The following TSN variants were observed in gnomAD, a reference collection of about 807,000 sequenced individuals.
TSN encodes the protein component 3 of promoter of RISC.
In TSN, 5 loss-of-function variants were observed where a neutral mutation model predicts 29.4. The observed-to-expected ratio is 0.17, with a 90% CI of 0.09 to 0.36. The LOEUF is 0.36. Among genes scored for constraint, TSN ranks in the 10% least tolerant of loss-of-function variants. The pLI, the probability that TSN is intolerant of heterozygous loss-of-function variation, is 1.00. For missense variants in TSN, 159 were observed against 272.8 expected, an observed-to-expected ratio of 0.58 and a Z score of 2.94; for synonymous variants, 106 against 102.2, an observed-to-expected ratio of 1.04 and a Z score of -0.23.
chr2:121,760,465 C>T (rs905714640), intron 3 of TSN, among the ~76,000 whole-genome samples: 4 of 152,196 alleles, frequency 2.6e-5, no homozygotes, highest in Non-Finnish European at 5.9e-5. Context: ...AGGTCACACA[C>T]AGGCTGCCCT....
intron 4 of TSN, among the ~76,000 whole-genome samples, chr2:121,762,704 A>G (rs1188874061): frequency 1.3e-5 from 2 of 152,168 alleles, no homozygotes; most frequent in East Asian, 3.8e-4. Flanking sequence ...GAAAGTTGCA[A>G]ATATCGTAAC....
intron 4 of TSN, among the ~76,000 whole-genome samples, chr2:121,761,892 A>G (rs2074834456): frequency 1.3e-5 from 2 of 151,772 alleles, no homozygotes; most frequent in South Asian, 4.2e-4. Context: ...ATCTCCGCTC[A>G]CTGCAACCTC....
chr2:121,765,462 C>A lies in TSN; in HGVS notation c.*95C>A. 9.2e-7 allele frequency: 1 copy of A among 1,085,818 alleles called. No homozygotes were observed. The allele number at this position is 1,085,818 out of a possible 1,614,324, so 67.3% of individuals were successfully genotyped here. A position where few individuals can be genotyped will look rare whatever the true frequency, so the allele number is the denominator to read the frequency against. On this transcript the variant is annotated 3_prime_UTR_variant, in exon 6 of 6. Coordinates refer to ENST00000389682, the MANE Select transcript of TSN (RefSeq NM_004622.3). The stretch of plus-strand genomic sequence containing the variant: ...TTACGGTAGTTAGGATGCTCAGTTG[C>A]TAAACACTGCGCTTTATTTTCTTAA...
At chr2:121,764,699 A>C (rs903178704) in intron 5 of TSN, among the ~76,000 whole-genome samples, 3 of 151,778 alleles carry the variant, frequency 2.0e-5, no homozygotes, top group African/African-American at 4.8e-5. Flanking sequence ...TCTTATCCCA[A>C]GTCTGCCTTA....
At chr2:121,763,621 C>T (rs6710934) in intron 5 of TSN, among the ~76,000 whole-genome samples, 1 of 152,076 alleles carries the variant, frequency 6.6e-6, no homozygotes, top group Non-Finnish European at 1.5e-5. Context: ...AATTTTTAAC[C>T]GATGATAAGA....
At chr2:121,764,950 G>A (rs944022748) in intron 5 of TSN, among the ~76,000 whole-genome samples, 184 bp from the exon 6 acceptor site, 1 of 152,208 alleles carries the variant, frequency 6.6e-6, no homozygotes, top group African/African-American at 2.4e-5. Flanking sequence ...TGGCAGAACT[G>A]GTCTCATTTT....
Position 121,764,815 on chromosome 2 carries a change from GTTTC to G in TSN, c.454-312_454-309del, listed in dbSNP as rs561134736. Among the ~76,000 whole-genome samples, 722 of 152,208 alleles carry G rather than the reference GTTTC, an allele frequency of 4.7e-3. 4 individuals carry two copies. Among genetic ancestry groups the G allele is most frequent in the Non-Finnish European group, 8.3e-3 (561 of 67,994 alleles). On this transcript the variant is annotated intron_variant, in intron 5 of 5. Transcript: ENST00000389682. The stretch of plus-strand genomic sequence containing the variant: ...GTGGAGCTGCTGTGATTATTTTGTC[GTTTC>G]TTTCTTCGATATGATAGCAGATGAG...
In TSN at chr2:121,765,179, C is replaced by T; in HGVS notation, c.499C>T (p.Pro167Ser). 1 of 1,614,212 alleles carries T rather than the reference C, an allele frequency of 6.2e-7. No homozygotes were observed. ...CGTGACTGCTGGAGACTACTCCCGACCCCTCCACATCTCCACCTTCATCAA... is the reference window on the plus strand; with the variant it reads ...CGTGACTGCTGGAGACTACTCCCGATCCCTCCACATCTCCACCTTCATCAA... Reference protein sequence around the residue: ...NSVTAGDYSRPLHISTFINEL... With the variant: ...NSVTAGDYSRSLHISTFINEL... Residue 167 changes from proline (P) to serine (S), a missense_variant, in exon 6 of 6, where the codon CCC (proline) becomes TCC (serine). Physicochemically the swap from Pro to Ser is moderately conservative, Grantham distance 74. Coordinates refer to ENST00000389682, the MANE Select transcript of TSN (RefSeq NM_004622.3).
intron 5 of TSN, among the ~76,000 whole-genome samples, chr2:121,764,893 T>A (rs959146993): frequency 6.6e-6 from 1 of 152,222 alleles, no homozygotes; most frequent in Non-Finnish European, 1.5e-5. Context: ...AATAGCCAGT[T>A]TAAGAAATTA....
rs747523515 is a variant in TSN at position 121,755,833 on chromosome 2, G to A, written c.54G>A (p.Gln18=). 5.6e-6 allele frequency: 9 copies of A among 1,613,988 alleles called. No individual in the cohort carries two copies. The highest frequency in any genetic ancestry group is 7.6e-6 in the Non-Finnish European group (9 of 1,180,030). The change falls in exon 1 of 6, where the codon CAG becomes CAA. Residue 18 remains glutamine (Q), a synonymous_variant. Coordinates refer to ENST00000389682, the MANE Select transcript of TSN (RefSeq NM_004622.3). ...TGCAGGGCTTTTTGGCTGCCGAGCA[G>A]GACATCCGAGAGGCGAGCCCCCTCC... ...VELQGFLAAE[Q]DIREEIRKVV...
chr2:121,755,655 G>T lies in TSN; in HGVS notation c.-125G>T. ...GCCTCGGAGGACCCTAGCGACGGTC[G>T]TGGCGTAAGACCGGGGGGACGCGGC... On this transcript the variant is annotated 5_prime_UTR_variant, in exon 1 of 6. Coordinates refer to ENST00000389682, the MANE Select transcript of TSN (RefSeq NM_004622.3). The T allele has an allele frequency of 7.5e-7, 1 of 1,328,886 alleles. No individual in the cohort carries two copies. The highest frequency in any genetic ancestry group is 1.1e-6 in the Non-Finnish European group (1 of 949,788). 82.3% of individuals were successfully genotyped at this position (1,328,886 alleles called of 1,614,324 possible).
intron 2 of TSN, 108 bp downstream of exon 2, chr2:121,757,441 A>G: frequency 2.6e-6 from 4 of 1,562,020 alleles, no homozygotes; most frequent in Non-Finnish European, 3.5e-6. Flanking sequence ...TATGGTGAGT[A>G]AAAATTGAAG....
rs542741258 is a variant in TSN, at chr2:121,766,221, C to T, written c.*854C>T. 3 of 152,260 alleles carry T rather than the reference C, an allele frequency of 2.0e-5. No homozygotes were observed. In the East Asian group the frequency reaches 5.8e-4, roughly 29 times the overall value. 9.4% of individuals were successfully genotyped at this position (152,260 alleles called of 1,614,324 possible). On this transcript the variant is annotated 3_prime_UTR_variant, in exon 6 of 6. Coordinates refer to ENST00000389682, the MANE Select transcript of TSN (RefSeq NM_004622.3). ...ATTTGTTCTGGGAGTATAAAGCCAC[C>T]CACGTAAGTTAATAAGCAAAATCCT...
Position 121,757,347 on chromosome 2 carries a change from T to C in TSN, c.160+14T>C. On this transcript the variant is annotated intron_variant, in intron 2 of 5. Coordinates refer to ENST00000389682, the MANE Select transcript of TSN (RefSeq NM_004622.3). ...GGTTTCAGGACAGTAAGTTCTTTGT[T>C]TTGTATCCAATTATCAGTCTCTTAT... is the stretch of plus-strand genomic sequence containing the variant. 6.2e-7 allele frequency: 1 copy of C among 1,613,906 alleles called. No homozygotes were observed. Among genetic ancestry groups the C allele is most frequent in the Non-Finnish European group, 8.5e-7 (1 of 1,179,874 alleles).
intron 1 of TSN, 173 bp downstream of exon 1, chr2:121,756,018 C>T (rs1303029732): frequency 7.4e-7 from 1 of 1,356,450 alleles, no homozygotes; most frequent in Admixed American, 2.6e-5. Flanking sequence ...TTTTGCTGCT[C>T]TGTCCTGATT....
In TSN at chr2:121,766,444, A is replaced by ATAT. The variant is rs2074902666; in HGVS notation, c.*1077_*1078insTAT. 5.3e-5 allele frequency: 8 copies of ATAT among 151,222 alleles called. 1 individual carries two copies. In the South Asian group the frequency reaches 1.7e-3, roughly 31 times the overall value. 9.4% of individuals were successfully genotyped at this position (151,222 alleles called of 1,614,324 possible). A position where few individuals can be genotyped will look rare whatever the true frequency, so the allele number is the denominator to read the frequency against. On this transcript the variant is annotated 3_prime_UTR_variant, in exon 6 of 6. Coordinates refer to ENST00000389682, the MANE Select transcript of TSN (RefSeq NM_004622.3). Reference sequence around the variant, plus strand: ...CAAAGTGAGACTCCATCTCTATATAAAAACAAAAACCACGAAAGCACACAC... The same window carrying ATAT: ...CAAAGTGAGACTCCATCTCTATATAATATAAACAAAAACCACGAAAGCACACAC...
intron 3 of TSN, among the ~76,000 whole-genome samples, chr2:121,759,439 C>T (rs554166736): frequency 2.5e-4 from 38 of 152,188 alleles, no homozygotes; most frequent in African/African-American, 8.7e-4. Context: ...GAAACCCCGT[C>T]TCTACTAAAA....
intron 4 of TSN, 108 bp downstream of exon 4, chr2:121,761,632 A>AGTGGTTTTTAGTT: frequency 1.2e-6 from 1 of 833,536 alleles, no homozygotes; most frequent in Non-Finnish European, 2.0e-6. Context: ...ATTAACTAAA[A>AGTGGTTTTTAGTT]ACCACTTATA....
chr2:121,760,176 T>G (rs1168569951), intron 3 of TSN, among the ~76,000 whole-genome samples: 3 of 152,204 alleles, frequency 2.0e-5, no homozygotes, highest in Admixed American at 6.5e-5. Flanking sequence ...CCTGTCAGAT[T>G]GGTGGCAGCA....
Sources: allele counts gnomAD v4.1 joint callset (sites outside exome capture counted in the v4.1 genomes callset), GRCh38; gene constraint gnomAD v4.1.1; transcripts MANE v1.5; gene names NCBI Gene and HGNC (gene_info 2026-07-23, HGNC 2026-07-21).